DMD: variants seen among roughly 807,000 people sequenced by gnomAD.
DMD encodes dystrophin.
Under a neutral mutation model 330.1 loss-of-function variants are expected in DMD, and 63 were observed. That is an observed-to-expected ratio of 0.19 (90% CI 0.16 to 0.24). The LOEUF (loss-of-function observed/expected upper bound fraction) is 0.24. Among genes scored for constraint, DMD ranks in the 10% least tolerant of loss-of-function variants. The pLI is 1.00. For synonymous variants in DMD, 1,223 were observed against 959.8 expected, an observed-to-expected ratio of 1.27 and a Z score of -5.07; for missense variants, 3,344 against 2,684.1, an observed-to-expected ratio of 1.25 and a Z score of -5.43.
chrX:32,838,785 G>T (rs1024289448), intron 4 of DMD, among the ~76,000 whole-genome samples: 1 of 112,136 alleles, frequency 8.9e-6, no homozygotes, highest in African/African-American at 3.2e-5. Flanking sequence ...AAAGATGCTG[G>T]AGAGAATATG....
chrX:32,276,032 G>A (rs1490741084), intron 43 of DMD, among the ~76,000 whole-genome samples: 2 of 112,147 alleles, frequency 1.8e-5, no homozygotes, highest in Non-Finnish European at 3.8e-5. Context: ...CACTGGACGT[G>A]CAGTGCAGAG....
At chrX:33,240,294 C>T (rs894818028) in intron 1 of DMD, among the ~76,000 whole-genome samples, 1 of 111,913 alleles carries the variant, frequency 8.9e-6, no homozygotes. Context: ...TTTTCAGATT[C>T]CGCATAAAGT....
chrX:32,898,276 T>C (rs1348588827), intron 2 of DMD, among the ~76,000 whole-genome samples: 4 of 111,897 alleles, frequency 3.6e-5, no homozygotes, highest in African/African-American at 1.3e-4. Context: ...CCTGCCTCTC[T>C]AATATCTAAA....
intron 9 of DMD, among the ~76,000 whole-genome samples, chrX:32,679,902 CTTTTTT>C (rs766270656): frequency 4.9e-3 from 115 of 23,574 alleles, no homozygotes; most frequent in Admixed American, 0.023. Flanking sequence ...AATATTTGTA[CTTTTTT>C]TTTTTTTTTT....
In DMD at chrX:32,574,230, A is replaced by T. The variant is rs769099882; in HGVS notation, c.1603-384T>A. 4.5e-5 allele frequency among the ~76,000 whole-genome samples: 5 copies of T among 112,267 alleles called. No homozygotes were observed. In the South Asian group the frequency reaches 1.8e-3, roughly 42 times the overall value. On this transcript the variant is annotated intron_variant, in intron 13 of 78. Transcript: ENST00000357033. ...CTAAAGAATAAAAGTCTAACTACTA[A>T]ATAGAATGCCTCAAAAGACTCTTAA...
At chrX:32,715,096 C>T (rs1357845546) in intron 7 of DMD, among the ~76,000 whole-genome samples, 6 of 111,350 alleles carry the variant, frequency 5.4e-5, no homozygotes, top group African/African-American at 2.0e-4. Flanking sequence ...CTACATCTCC[C>T]CATTTCCTCC....
rs762991294 is a variant in DMD at position 32,035,292 on chromosome X, G to C, written c.6439-66778C>G. On this transcript the variant is annotated intron_variant, in intron 44 of 78. Transcript: ENST00000357033. ...TTTAAAAAAGAAAGAATTGGGGTTG[G>C]GAAAGGGGAGTATAAACTGATGATA... Among the ~76,000 whole-genome samples the C allele has an allele frequency of 2.3e-3, 261 of 111,673 alleles. 1 individual carries two copies. The highest frequency in any genetic ancestry group is 8.2e-3 in the African/African-American group (252 of 30,793).
At chrX:31,211,062 C>G (rs2044617670) in intron 64 of DMD, among the ~76,000 whole-genome samples, 1 of 111,955 alleles carries the variant, frequency 8.9e-6, no homozygotes, top group African/African-American at 3.2e-5. Flanking sequence ...AGAAATGACC[C>G]TTTTCATGGA....
rs745464638 is a variant in DMD, at chrX:32,454,801, C to A, written c.3464G>T (p.Gly1155Val). The A allele has an allele frequency of 5.0e-6, 6 of 1,207,690 alleles. No homozygotes were observed. The East Asian group carries it at 1.2e-4, about 24-fold the overall frequency. Residue 1155 changes from glycine to valine, a missense_variant, in exon 26 of 79, where the codon GGT (glycine) becomes GTT (valine). Gly to Val is a moderately radical substitution (Grantham distance 109). Transcript: ENST00000357033. ...CTGGAGGCTTACAGTTTTCTCCAAA[C>A]CTCCCTTCAAGGCCTCCTTTCTGGC... is the stretch of plus-strand genomic sequence containing the variant. ...VYARKEALKG[G>V]LEKTVSLQKD...
intron 55 of DMD, among the ~76,000 whole-genome samples, chrX:31,570,462 G>A (rs1412061616): frequency 9.0e-6 from 1 of 111,003 alleles, no homozygotes; most frequent in Non-Finnish European, 1.9e-5. Flanking sequence ...GAGGGGCTTA[G>A]GGGAGGATTA....
chrX:32,643,173 C>T (rs111940669), intron 11 of DMD, among the ~76,000 whole-genome samples: 10 of 110,936 alleles, frequency 9.0e-5, no homozygotes, highest in African/African-American at 2.9e-4. Context: ...TATCTCCTGG[C>T]TTGGAATACA....
chrX:32,113,152 G>T (rs910980816), intron 44 of DMD, among the ~76,000 whole-genome samples: 1 of 112,701 alleles, frequency 8.9e-6, no homozygotes, highest in African/African-American at 3.2e-5. Context: ...AGTTACGTTT[G>T]CACCTGCACA....
chrX:32,083,627 C>T (rs780218972), intron 44 of DMD, among the ~76,000 whole-genome samples: 1 of 112,410 alleles, frequency 8.9e-6, no homozygotes, highest in Non-Finnish European at 1.9e-5. Flanking sequence ...CTCATAGCCA[C>T]TTCATGGATT....
chrX:31,735,387 T>C (rs962622136), intron 51 of DMD, among the ~76,000 whole-genome samples: 1 of 111,517 alleles, frequency 9.0e-6, no homozygotes, highest in Non-Finnish European at 1.9e-5. Context: ...TACACTCACT[T>C]TTGTCCTCCT....
At chrX:31,458,286 C>T (rs1029692424) in intron 59 of DMD, among the ~76,000 whole-genome samples, 2 of 110,347 alleles carry the variant, frequency 1.8e-5, no homozygotes, top group Non-Finnish European at 3.8e-5. Context: ...AGAGTTTATT[C>T]AGTTTGTCAT....
At chrX:32,372,733 T>G (rs1185722147) in intron 34 of DMD, among the ~76,000 whole-genome samples, 1 of 111,504 alleles carries the variant, frequency 9.0e-6, no homozygotes, top group Non-Finnish European at 1.9e-5. Context: ...AAGGGCTATG[T>G]CGCTGTAGGA....
At chrX:31,950,726 A>G (rs1161079142) in intron 45 of DMD, among the ~76,000 whole-genome samples, 2 of 110,710 alleles carry the variant, frequency 1.8e-5, no homozygotes, top group Admixed American at 9.7e-5. Flanking sequence ...CCCCTTATAT[A>G]ATTAAAAATG....
chrX:32,922,325 AG>A (rs2088507580), intron 2 of DMD, among the ~76,000 whole-genome samples: 1 of 111,961 alleles, frequency 8.9e-6, no homozygotes, highest in Non-Finnish European at 1.9e-5. Flanking sequence ...AGCAAACAAA[AG>A]TTCAGGTATC....
At chrX:33,023,485 G>C (rs1302749717) in intron 1 of DMD, among the ~76,000 whole-genome samples, 2 of 111,654 alleles carry the variant, frequency 1.8e-5, no homozygotes, top group African/African-American at 6.5e-5. Flanking sequence ...TCATTCATAG[G>C]AGTTTCGTTG....
Sources: gnomAD v4.1 joint callset for allele counts (sites outside exome capture counted in the v4.1 genomes callset) on GRCh38, gnomAD v4.1.1 for gene constraint, MANE v1.5 for transcripts, NCBI Gene and HGNC (gene_info 2026-07-23, HGNC 2026-07-21) for gene names.